The following EBF1 variants were observed in gnomAD, a reference collection of about 807,000 sequenced individuals.
EBF1 encodes the protein EBF transcription factor 1, also known as transcription factor COE1.
A neutral mutation model predicts 68.4 loss-of-function variants in EBF1; 10 were observed. That is an observed-to-expected ratio of 0.15 (90% CI 0.09 to 0.25). EBF1 has a LOEUF of 0.25. Ranked by LOEUF, EBF1 falls within the 10% of genes least tolerant of loss-of-function variation. The pLI, the probability that EBF1 is intolerant of heterozygous loss-of-function variation, is 1.00. For missense variants in EBF1, 509 were observed against 794.4 expected (o/e 0.64, Z 4.32); for synonymous variants, 298 against 299.8 (o/e 0.99, Z 0.06).
intron 13 of EBF1, 48 bp from the exon 14 acceptor site, chr5:158,712,381 G>C: frequency 6.3e-7 from 1 of 1,596,908 alleles, no homozygotes; most frequent in Non-Finnish European, 8.6e-7. Flanking sequence ...TTCAGATGGT[G>C]GCAATCCTGG....
At chr5:159,015,101 A>C (rs4244439) in intron 6 of EBF1, among the ~76,000 whole-genome samples, 21,928 of 152,244 alleles carry the variant, frequency 0.14, 1,699 homozygotes, top group African/African-American at 0.18. Context: ...TGATGCAGTC[A>C]CCTAAAGAAA....
chr5:158,970,731 T>TCTC (rs1240377822), intron 6 of EBF1, among the ~76,000 whole-genome samples: 2 of 152,202 alleles, frequency 1.3e-5, no homozygotes. Context: ...ATCCTGTATG[T>TCTC]CTGTTAGTAA....
chr5:158,844,461 C>T (rs755920294), intron 6 of EBF1, among the ~76,000 whole-genome samples: 20 of 151,892 alleles, frequency 1.3e-4, no homozygotes, highest in Non-Finnish European at 2.5e-4. Flanking sequence ...GTAAATTGAC[C>T]GAAAGGACTA....
chr5:158,999,161 G>C (rs1762026395), intron 6 of EBF1, among the ~76,000 whole-genome samples: 1 of 152,120 alleles, frequency 6.6e-6, no homozygotes, highest in Admixed American at 6.6e-5. Context: ...ACTCCACTCT[G>C]GGATGAAGCT....
At chr5:159,000,672 CA>C (rs1468581839) in intron 6 of EBF1, among the ~76,000 whole-genome samples, 3 of 152,126 alleles carry the variant, frequency 2.0e-5, no homozygotes, top group Non-Finnish European at 4.4e-5. Flanking sequence ...GGCAGCTCTC[CA>C]ATACCTTTTC....
At chr5:158,978,619 G>A (rs1196887313) in intron 6 of EBF1, among the ~76,000 whole-genome samples, 1 of 88,890 alleles carries the variant, frequency 1.1e-5, no homozygotes, top group African/African-American at 4.4e-5. Flanking sequence ...CATAAACAGT[G>A]ACATCATTTT....
chr5:158,760,316 A>G (rs17056179), intron 10 of EBF1, among the ~76,000 whole-genome samples: 1 of 152,182 alleles, frequency 6.6e-6, no homozygotes, highest in Non-Finnish European at 1.5e-5. Context: ...GCATAAGTGT[A>G]TTGTTTTCAA....
At chr5:158,722,355 T>C (rs974905316) in intron 11 of EBF1, among the ~76,000 whole-genome samples, 6 of 152,206 alleles carry the variant, frequency 3.9e-5, no homozygotes, top group African/African-American at 1.4e-4. Context: ...TAACTACTTC[T>C]GTTTCTCTTT....
At chr5:158,966,344 G>A (rs1754097521) in intron 6 of EBF1, among the ~76,000 whole-genome samples, 1 of 152,140 alleles carries the variant, frequency 6.6e-6, no homozygotes, top group African/African-American at 2.4e-5. Context: ...CACAGGTATG[G>A]AAGGAGAAAA....
Position 158,713,064 on chromosome 5 carries a change from A to G in EBF1, c.1275T>C (p.Ala425=), listed in dbSNP as rs1167593241. ...PRNHNQLPAL[A]NTSVHAGMMG... is the part of the protein sequence containing the mutation. The stretch of plus-strand genomic sequence containing the variant: ...TCATCCCTGCGTGGACCGAGGTGTT[A>G]GCAAGGGCCGGGAGTTGGTTGTGGT... Residue 425 remains alanine, a synonymous_variant, in exon 13 of 16, where the codon GCT becomes GCC. Coordinates refer to ENST00000313708, the MANE Select transcript of EBF1 (RefSeq NM_024007.5). The G allele has an allele frequency of 1.2e-6, 2 of 1,600,132 alleles. No homozygotes were observed. The highest frequency in any genetic ancestry group is 1.7e-6 in the Non-Finnish European group (2 of 1,172,196).
intron 6 of EBF1, among the ~76,000 whole-genome samples, chr5:158,917,246 G>A (rs780226648): frequency 9.9e-5 from 15 of 152,200 alleles, no homozygotes; most frequent in Non-Finnish European, 1.3e-4. Flanking sequence ...AATATTGAAA[G>A]CTGTCTTTGA....
chr5:158,995,234 A>G (rs969204319), intron 6 of EBF1, among the ~76,000 whole-genome samples: 2 of 152,134 alleles, frequency 1.3e-5, no homozygotes, highest in African/African-American at 2.4e-5. Flanking sequence ...CCAATAACAC[A>G]TTGTCCTTGG....
chr5:158,973,542 T>A (rs1404523561), intron 6 of EBF1, among the ~76,000 whole-genome samples: 1 of 152,104 alleles, frequency 6.6e-6, no homozygotes, highest in Non-Finnish European at 1.5e-5. Flanking sequence ...GCGTCCTCCC[T>A]TTTGTAAACT....
intron 6 of EBF1, among the ~76,000 whole-genome samples, chr5:158,916,462 C>T (rs1425744690): frequency 2.0e-5 from 3 of 152,114 alleles, no homozygotes; most frequent in Non-Finnish European, 4.4e-5. Context: ...GTACAATTTA[C>T]TAAGATATTA....
intron 6 of EBF1, among the ~76,000 whole-genome samples, chr5:159,024,601 G>C (rs879838116): frequency 6.6e-6 from 1 of 152,202 alleles, no homozygotes; most frequent in Non-Finnish European, 1.5e-5. Context: ...ACCAAGGATA[G>C]TCAAAGTAAT....
chr5:159,057,848 AAG>A (rs1158367707), intron 6 of EBF1, among the ~76,000 whole-genome samples: 2 of 152,192 alleles, frequency 1.3e-5, no homozygotes, highest in African/African-American at 4.8e-5. Flanking sequence ...TAGCGTTCTT[AAG>A]CTATTCATTC....
intron 10 of EBF1, among the ~76,000 whole-genome samples, chr5:158,773,801 C>T (rs1039397820): frequency 5.9e-5 from 9 of 151,944 alleles, no homozygotes; most frequent in Admixed American, 1.3e-4. Context: ...GATCACGATT[C>T]GAAAAGATCC....
chr5:158,930,614 A>G (rs1174089621), intron 6 of EBF1, among the ~76,000 whole-genome samples: 4 of 152,186 alleles, frequency 2.6e-5, no homozygotes, highest in Non-Finnish European at 5.9e-5. Flanking sequence ...CCCAAACACA[A>G]GTATGGTTGT....
chr5:158,962,135 C>T (rs942772666), intron 6 of EBF1, among the ~76,000 whole-genome samples: 3 of 152,278 alleles, frequency 2.0e-5, no homozygotes, highest in Admixed American at 6.5e-5. Flanking sequence ...CCGGTGGCAG[C>T]TTGAGGGGCG....
Sources: allele counts gnomAD v4.1 joint callset (sites outside exome capture counted in the v4.1 genomes callset), GRCh38; gene constraint gnomAD v4.1.1; transcripts MANE v1.5; gene names NCBI Gene and HGNC (gene_info 2026-07-23, HGNC 2026-07-21).